NKD1: variants seen among roughly 807,000 people sequenced by gnomAD.
NKD1 encodes NKD inhibitor of Wnt signaling pathway 1.
NKD1 carries 21 observed loss-of-function variants against 56.0 expected under a neutral mutation model. The observed-to-expected ratio is 0.38, with a 90% CI of 0.27 to 0.54. NKD1 has a LOEUF of 0.54. NKD1 is among the 20% of genes least tolerant of loss of function. The pLI, the probability that NKD1 is intolerant of heterozygous loss-of-function variation, is 0.82. For synonymous variants in NKD1, 263 were observed against 265.7 expected, an observed-to-expected ratio of 0.99 and a Z score of 0.10; for missense variants, 578 against 642.7, an observed-to-expected ratio of 0.90 and a Z score of 1.09.
At chr16:50,567,246 C>A (rs1200803176) in intron 3 of NKD1, among the ~76,000 whole-genome samples, 1 of 152,204 alleles carries the variant, frequency 6.6e-6, no homozygotes, top group East Asian at 1.9e-4. Flanking sequence ...GAAGTGTTAG[C>A]ATGCAGTGAG....
chr16:50,549,049 T>G, intron 2 of NKD1: 1 of 182,732 alleles, frequency 5.5e-6, no homozygotes, highest in Non-Finnish European at 7.5e-6. Context: ...CGCAAGACCC[T>G]GCCCCCTCTT....
At chr16:50,584,941 C>T (rs988172794) in intron 3 of NKD1, among the ~76,000 whole-genome samples, 3 of 152,160 alleles carry the variant, frequency 2.0e-5, no homozygotes, top group African/African-American at 4.8e-5. Flanking sequence ...GACTGAGGTC[C>T]GAGATGTGGG....
Position 50,587,101 on chromosome 16 carries a change from G to T in NKD1, c.193-21193G>T, listed in dbSNP as rs1046101944. On this transcript the variant is annotated intron_variant, in intron 3 of 9. Transcript: ENST00000268459. ...ACTCACATGTATTAAAATAGGGCTT[G>T]GTACGTGCTAGGTATATCAATATTA... Among the ~76,000 whole-genome samples the T allele has an allele frequency of 2.4e-4, 36 of 152,168 alleles. 1 individual carries two copies. The highest frequency in any genetic ancestry group is 8.0e-4 in the African/African-American group (33 of 41,432).
intron 4 of NKD1, among the ~76,000 whole-genome samples, chr16:50,609,350 C>T (rs1257532530): frequency 6.6e-6 from 1 of 152,216 alleles, no homozygotes; most frequent in African/African-American, 2.4e-5. Context: ...AGAGTGTTTC[C>T]TGAATGGGAG....
chr16:50,556,472 ATG>A (rs1555487120), intron 3 of NKD1: 1 of 152,166 alleles, frequency 6.6e-6, no homozygotes, highest in Non-Finnish European at 1.5e-5. Context: ...TGGGTCCTGG[ATG>A]TGTTTGTTTA....
chr16:50,566,683 T>C (rs999470850), intron 3 of NKD1, among the ~76,000 whole-genome samples: 5 of 152,254 alleles, frequency 3.3e-5, no homozygotes, highest in Non-Finnish European at 2.9e-5. Flanking sequence ...GGTCAGCAGC[T>C]GGCAAGGCTG....
At chr16:50,576,668 C>A (rs906662891) in intron 3 of NKD1, among the ~76,000 whole-genome samples, 4 of 151,186 alleles carry the variant, frequency 2.6e-5, no homozygotes, top group Non-Finnish European at 5.9e-5. Context: ...ATGGGTGTAC[C>A]CTTATCCCCA....
chr16:50,550,116 A>G (rs544023584), intron 3 of NKD1, among the ~76,000 whole-genome samples: 6 of 151,888 alleles, frequency 4.0e-5, no homozygotes, highest in Admixed American at 2.6e-4. Context: ...GCCTCATTCC[A>G]CTGTAGCCTG....
intron 3 of NKD1, among the ~76,000 whole-genome samples, chr16:50,550,106 G>A (rs1429329798): frequency 6.6e-6 from 1 of 151,850 alleles, no homozygotes; most frequent in African/African-American, 2.4e-5. Flanking sequence ...GAGATAGAGG[G>A]CCTCATTCCA....
chr16:50,568,721 T>G (rs988635696), intron 3 of NKD1, among the ~76,000 whole-genome samples: 2 of 152,118 alleles, frequency 1.3e-5, no homozygotes, highest in African/African-American at 4.8e-5. Flanking sequence ...TGAGCTCCAG[T>G]CAGCACCTCT....
intron 3 of NKD1, among the ~76,000 whole-genome samples, chr16:50,580,301 A>C (rs955471619): frequency 2.0e-5 from 3 of 152,176 alleles, no homozygotes; most frequent in African/African-American, 7.2e-5. Context: ...CTGTGTGCTC[A>C]CCCCTTCCCA....
intron 4 of NKD1, among the ~76,000 whole-genome samples, chr16:50,612,167 C>T (rs1400432011): frequency 3.3e-5 from 5 of 152,218 alleles, no homozygotes; most frequent in Non-Finnish European, 1.5e-5. Context: ...GTGACCTCTC[C>T]CTCTGCCTCA....
chr16:50,592,145 A>G (rs959192026), intron 3 of NKD1, among the ~76,000 whole-genome samples: 5 of 152,238 alleles, frequency 3.3e-5, no homozygotes, highest in African/African-American at 9.6e-5. Flanking sequence ...CCAGGGCTGG[A>G]TGCTGGAATA....
In NKD1 at chr16:50,642,458, C is replaced by G. The variant is rs1302545744; in HGVS notation, c.*8677C>G. ...TGGGGGTTTGGCTAAGATGAGCAGA[C>G]TGGCCCATGGTTGAGACTTTGGACC... On this transcript the variant is annotated 3_prime_UTR_variant, in exon 10 of 10. Transcript: ENST00000268459. The G allele has an allele frequency of 6.6e-6, 1 of 152,316 alleles. No individual in the cohort carries two copies. Among genetic ancestry groups the G allele is most frequent in the Non-Finnish European group, 1.5e-5 (1 of 68,100 alleles). The allele number at this position is 152,316 out of a possible 1,614,324, so 9.4% of individuals were successfully genotyped here.
At chr16:50,622,809 T>A (rs946367371) in intron 5 of NKD1, among the ~76,000 whole-genome samples, 2 of 151,420 alleles carry the variant, frequency 1.3e-5, no homozygotes, top group African/African-American at 4.9e-5. Flanking sequence ...GTTCCTGCCG[T>A]CAAGGAGTGC....
At position 50,623,674 on chromosome 16, in the gene NKD1, A is replaced by G. The variant is rs1962142815; in HGVS notation, c.367-1811A>G. Among the ~76,000 whole-genome samples, 1 of 151,582 alleles carries G rather than the reference A, an allele frequency of 6.6e-6. No homozygotes were observed. Among genetic ancestry groups the G allele is most frequent in the Admixed American group, 6.6e-5 (1 of 15,250 alleles). On this transcript the variant is annotated intron_variant, in intron 5 of 9. Transcript: ENST00000268459. This position sits in a 1 kb window ranked among gnomAD's most constrained non-coding sequence, Gnocchi z 4.1. ...AGGTGGGACAAGTGGCCAGTTACTCAACTCATGTTTCTGAAGCTCAGACCC... is the reference window on the plus strand; with the variant it reads ...AGGTGGGACAAGTGGCCAGTTACTCGACTCATGTTTCTGAAGCTCAGACCC...
chr16:50,620,293 C>T (rs949464951), intron 4 of NKD1, among the ~76,000 whole-genome samples: 1 of 152,242 alleles, frequency 6.6e-6, no homozygotes, highest in Non-Finnish European at 1.5e-5. Context: ...CCAGGGACTG[C>T]CCTTGGGTCC....
intron 5 of NKD1, chr16:50,625,178 T>C: frequency 2.4e-6 from 1 of 417,334 alleles, no homozygotes; most frequent in Non-Finnish European, 4.4e-6. Flanking sequence ...TTGGTCCAAG[T>C]TCAGCTTTTC....
intron 3 of NKD1, chr16:50,558,125 T>C (rs1960542982): frequency 6.6e-6 from 1 of 152,270 alleles, no homozygotes; most frequent in South Asian, 2.1e-4. Context: ...TCCAGCTGTC[T>C]GAATTTTTAT....
Sources: allele counts gnomAD v4.1 joint callset (sites outside exome capture counted in the v4.1 genomes callset), GRCh38; gene constraint gnomAD v4.1.1; non-coding constraint Gnocchi (gnomAD v3.1); transcripts MANE v1.5; gene names NCBI Gene and HGNC (gene_info 2026-07-23, HGNC 2026-07-21).